The following ODAD2 variants were observed in gnomAD, a reference collection of about 807,000 sequenced individuals.
ODAD2 encodes the protein outer dynein arm-docking complex subunit 2.
In ODAD2, 89 loss-of-function variants were observed where a neutral mutation model predicts 106.8. That is an observed-to-expected ratio of 0.83 (90% CI 0.70 to 0.99). The LOEUF (loss-of-function observed/expected upper bound fraction) is 0.99. Among genes scored for constraint, ODAD2 ranks in the 50% least tolerant of loss-of-function variants. The pLI is 0.00. For synonymous variants in ODAD2, 404 were observed against 436.2 expected (o/e 0.93, Z 0.92); for missense variants, 1,168 against 1,238.5 (o/e 0.94, Z 0.85).
In ODAD2 at chr10:27,924,012, A is replaced by AAGAAAGAAAGAAAGAG. The variant is rs1590035500; in HGVS notation, c.2495+10997_2495+10998insCTCTTTCTTTCTTTCT. Among the ~76,000 whole-genome samples, 13 of 113,282 alleles carry AAGAAAGAAAGAAAGAG rather than the reference A, an allele frequency of 1.1e-4. 2 individuals are homozygous for AAGAAAGAAAGAAAGAG. The East Asian group carries it at 3.8e-3, about 33-fold the overall frequency. 74.3% of individuals were successfully genotyped at this position (113,282 alleles called of 152,430 possible). Reference sequence around the variant, plus strand: ...AAAGAAAGAAAGAAAGAAAGAAAGAAAGAAAGAAAGAAGGAAAGAGAAAGA... The same window carrying AAGAAAGAAAGAAAGAG: ...AAAGAAAGAAAGAAAGAAAGAAAGAAAGAAAGAAAGAAAGAGAGAAAGAAAGAAGGAAAGAGAAAGA... On this transcript the variant is annotated intron_variant, in intron 16 of 19. Coordinates refer to ENST00000305242, the MANE Select transcript of ODAD2 (RefSeq NM_018076.5).
chr10:27,928,475 C>A (rs1057126967), intron 16 of ODAD2, among the ~76,000 whole-genome samples: 1 of 152,092 alleles, frequency 6.6e-6, no homozygotes, highest in African/African-American at 2.4e-5. Flanking sequence ...CTTCAATGAT[C>A]CTCGACTGAC....
chr10:27,862,478 T>C lies in ODAD2; in HGVS notation c.2755A>G (p.Thr919Ala). The change falls in exon 18 of 20, where the codon ACA becomes GCA. Residue 919 changes from threonine to alanine, a missense_variant. Transcript: ENST00000305242. The part of the protein sequence containing the change: ...AKDQENLAVI[T>A]DHGVVPLLSK... ...AATAAAGGAACAACTCCATGATCTGTGATAACAGCTAAATTTTCTTGATCT... is the reference window on the plus strand; with the variant it reads ...AATAAAGGAACAACTCCATGATCTGCGATAACAGCTAAATTTTCTTGATCT... 6.2e-7 allele frequency: 1 copy of C among 1,612,580 alleles called. No individual in the cohort carries two copies. Among genetic ancestry groups the C allele is most frequent in the Non-Finnish European group, 8.5e-7 (1 of 1,179,424 alleles).
intron 18 of ODAD2, among the ~76,000 whole-genome samples, chr10:27,861,632 G>C (rs1840049287): frequency 6.6e-6 from 1 of 152,234 alleles, no homozygotes; most frequent in South Asian, 2.1e-4. Context: ...GGAGAAGAGA[G>C]TGCAGCAAAT....
At chr10:27,938,187 C>T (rs779289514) in intron 14 of ODAD2, among the ~76,000 whole-genome samples, 4 of 152,100 alleles carry the variant, frequency 2.6e-5, no homozygotes, top group Non-Finnish European at 5.9e-5. Flanking sequence ...TATCCACACA[C>T]CTCGGCCTCC....
chr10:27,965,010 T>G (rs948104645), intron 9 of ODAD2, among the ~76,000 whole-genome samples: 1 of 152,140 alleles, frequency 6.6e-6, no homozygotes, highest in Admixed American at 6.5e-5. Flanking sequence ...AGCAGCAGCT[T>G]GATGGACAGG....
At chr10:27,856,020 TTGATGAA>T (rs1220169724) in intron 19 of ODAD2, among the ~76,000 whole-genome samples, 4 of 152,202 alleles carry the variant, frequency 2.6e-5, no homozygotes, top group African/African-American at 7.2e-5. Flanking sequence ...AGGGCTTGCC[TTGATGAA>T]TTTTTTTCCT....
At position 27,943,795 on chromosome 10, in the gene ODAD2, C is replaced by CAAAAAAA. The variant is rs56059926; in HGVS notation, c.1743+420_1743+426dup. ...GAGCCACAGAAGTGAGGCTCTGTCT[C>CAAAAAAA]AAAAAAAAAAAAAAAAAAAAAAAAA... is the stretch of plus-strand genomic sequence containing the variant. On this transcript the variant is annotated intron_variant, in intron 12 of 19. Transcript: ENST00000305242. Among the ~76,000 whole-genome samples the CAAAAAAA allele has an allele frequency of 2.5e-3, 147 of 58,640 alleles. 16 individuals carry two copies. The highest frequency in any genetic ancestry group is 8.4e-3 in the African/African-American group (109 of 12,932). 38.5% of individuals were successfully genotyped at this position (58,640 alleles called of 152,430 possible). A position where few individuals can be genotyped will look rare whatever the true frequency, so the allele number is the denominator to read the frequency against.
In ODAD2 at chr10:27,944,096, G is replaced by A. The variant is rs556790237; in HGVS notation, c.1743+126C>T. The A allele has an allele frequency of 3.8e-6, 3 of 788,820 alleles. No individual in the cohort carries two copies. The South Asian group carries it at 5.3e-5, about 14-fold the overall frequency. The allele number at this position is 788,820 out of a possible 1,614,324, so 48.9% of individuals were successfully genotyped here. On this transcript the variant is annotated intron_variant, in intron 12 of 19. Coordinates refer to ENST00000305242, the MANE Select transcript of ODAD2 (RefSeq NM_018076.5). ...ATAATTCTTAAGGGCAAGCGATACA[G>A]ACAGAAGGCTCCTGGAACACGCTCT...
intron 17 of ODAD2, among the ~76,000 whole-genome samples, chr10:27,866,353 T>C (rs1315912747): frequency 6.6e-6 from 1 of 152,182 alleles, no homozygotes; most frequent in Non-Finnish European, 1.5e-5. Context: ...CCCCTCACAA[T>C]ATTGTGATTT....
chr10:27,848,752 G>A (rs1264228720), intron 19 of ODAD2, among the ~76,000 whole-genome samples: 2 of 152,182 alleles, frequency 1.3e-5, no homozygotes, highest in African/African-American at 4.8e-5. Flanking sequence ...GATATGAACA[G>A]ACACTTCTCA....
At chr10:27,949,780 T>C (rs1847199138) in intron 10 of ODAD2, among the ~76,000 whole-genome samples, 1 of 152,082 alleles carries the variant, frequency 6.6e-6, no homozygotes, top group Non-Finnish European at 1.5e-5. Context: ...ATGGATGCAG[T>C]CAGGTTACTG....
intron 19 of ODAD2, among the ~76,000 whole-genome samples, chr10:27,837,239 T>G (rs533481939): frequency 6.6e-6 from 1 of 152,314 alleles, no homozygotes; most frequent in African/African-American, 2.4e-5. Context: ...TCACTCAGAG[T>G]GAGACCTATC....
chr10:27,985,652 C>G (rs1351249548), intron 3 of ODAD2, among the ~76,000 whole-genome samples: 8 of 152,106 alleles, frequency 5.3e-5, no homozygotes, highest in Admixed American at 5.2e-4. Flanking sequence ...TAAAGGCTTT[C>G]TTTCCAAAAT....
At chr10:27,822,625 C>T (rs1836700586) in intron 19 of ODAD2, among the ~76,000 whole-genome samples, 1 of 152,206 alleles carries the variant, frequency 6.6e-6, no homozygotes, top group Admixed American at 6.5e-5. Flanking sequence ...TCTTGCACAT[C>T]CAGACTCTGA....
chr10:27,900,170 A>G (rs1179339716), intron 17 of ODAD2, among the ~76,000 whole-genome samples: 1 of 152,196 alleles, frequency 6.6e-6, no homozygotes, highest in African/African-American at 2.4e-5. Flanking sequence ...TACCCAGGCA[A>G]ACAGGATCTG....
Position 27,871,317 on chromosome 10 carries a change from C to T in ODAD2, c.2611-8695G>A, listed in dbSNP as rs549715538. Among the ~76,000 whole-genome samples the T allele has an allele frequency of 3.7e-4, 56 of 152,296 alleles. 1 individual carries two copies. The South Asian group carries it at 0.011, about 30-fold the overall frequency. On this transcript the variant is annotated intron_variant, in intron 17 of 19. Coordinates refer to ENST00000305242, the MANE Select transcript of ODAD2 (RefSeq NM_018076.5). ...CCATTCTGTAGGTTGCCTGTTCACT[C>T]TGATGGTAGTTTCTTTTGCCGTGCA...
chr10:27,969,168 C>T (rs138406839), intron 8 of ODAD2, 150 bp from the exon 9 acceptor site: 94 of 599,194 alleles, frequency 1.6e-4, no homozygotes, highest in African/African-American at 1.5e-3. Context: ...TTCTGACACT[C>T]GGAGCTGTCT....
At chr10:27,849,146 C>T (rs1220905079) in intron 19 of ODAD2, among the ~76,000 whole-genome samples, 1 of 152,138 alleles carries the variant, frequency 6.6e-6, no homozygotes, top group Admixed American at 6.5e-5. Flanking sequence ...AGACTTGGAA[C>T]CAACCTAAAT....
chr10:27,885,649 T>TATATA (rs1491171483), intron 17 of ODAD2, among the ~76,000 whole-genome samples: 1,205 of 58,894 alleles, frequency 0.02, 30 homozygotes, highest in East Asian at 0.08. Flanking sequence ...TTATATATAT[T>TATATA]ATATATAATA....
Sources: gnomAD v4.1 joint callset for allele counts (sites outside exome capture counted in the v4.1 genomes callset) on GRCh38, gnomAD v4.1.1 for gene constraint, MANE v1.5 for transcripts, NCBI Gene and HGNC (gene_info 2026-07-23, HGNC 2026-07-21) for gene names.